The following RAB30 variants were observed in gnomAD, a reference collection of about 807,000 sequenced individuals.
The protein encoded by RAB30 is ras-related protein Rab-30.
Under a neutral mutation model 25.1 loss-of-function variants are expected in RAB30, and 9 were observed. The ratio of observed to expected loss-of-function variants is 0.36; its 90% confidence interval spans 0.22 to 0.63. RAB30 has a LOEUF of 0.63. Among genes scored for constraint, RAB30 ranks in the 20% least tolerant of loss-of-function variants. The pLI, the probability that RAB30 is intolerant of heterozygous loss-of-function variation, is 0.69. For missense variants in RAB30, 140 were observed against 243.5 expected (o/e 0.58, Z 2.83); for synonymous variants, 77 against 86.4 (o/e 0.89, Z 0.60).
intron 1 of RAB30, chr11:83,071,209 C>T (rs1858835494): frequency 2.0e-5 from 3 of 152,182 alleles, no homozygotes; most frequent in Non-Finnish European, 4.4e-5. Flanking sequence ...AACTTAAGCA[C>T]GTTCATCTTA....
intron 1 of RAB30, among the ~76,000 whole-genome samples, chr11:83,027,313 T>C (rs1251253717): frequency 2.0e-5 from 3 of 152,128 alleles, no homozygotes; most frequent in Admixed American, 6.5e-5. Flanking sequence ...CCTGGCAGTA[T>C]CCAGCGTGGA....
intron 1 of RAB30, among the ~76,000 whole-genome samples, chr11:83,019,208 T>C (rs1231745369): frequency 6.6e-6 from 1 of 152,146 alleles, no homozygotes; most frequent in Admixed American, 6.5e-5. Flanking sequence ...GTATTTTTAG[T>C]AGAGATGGGG....
chr11:83,001,427 A>T (rs1857083198), intron 1 of RAB30, among the ~76,000 whole-genome samples: 2 of 151,880 alleles, frequency 1.3e-5, no homozygotes, highest in South Asian at 4.2e-4. Context: ...CAGTCCTTCC[A>T]CTCAGCCTTC....
At chr11:83,040,318 G>A (rs1432841217) in intron 1 of RAB30, among the ~76,000 whole-genome samples, 1 of 152,220 alleles carries the variant, frequency 6.6e-6, no homozygotes, top group Non-Finnish European at 1.5e-5. Flanking sequence ...GCTGGGTGCA[G>A]TGGCTCGGGC....
rs948602801 is a variant in RAB30, at chr11:83,005,946, AT to A, written c.-8-8623del. Reference sequence around the variant, plus strand: ...AGAAAGGAATAAAAATAGCACTTACATTTTTTTTTTTAAAAAACTGATCAAT... The same window carrying A: ...AGAAAGGAATAAAAATAGCACTTACATTTTTTTTTTAAAAAACTGATCAAT... On this transcript the variant is annotated intron_variant, in intron 1 of 4. Transcript: ENST00000527633. 1.2e-3 allele frequency among the ~76,000 whole-genome samples: 174 copies of A among 143,774 alleles called. 2 individuals are homozygous for A. The highest frequency in any genetic ancestry group is 3.5e-3 in the Middle Eastern group (1 of 286). 94.3% of individuals were successfully genotyped at this position (143,774 alleles called of 152,430 possible).
intron 1 of RAB30, among the ~76,000 whole-genome samples, chr11:83,056,496 C>A (rs1192549036): frequency 6.6e-6 from 1 of 152,210 alleles, no homozygotes; most frequent in East Asian, 1.9e-4. Flanking sequence ...ACGCCTTAAT[C>A]ATAAAGATGT....
chr11:82,989,551 C>T (rs1168829716), intron 3 of RAB30, among the ~76,000 whole-genome samples: 1 of 152,250 alleles, frequency 6.6e-6, no homozygotes, highest in Non-Finnish European at 1.5e-5. Context: ...CGGTTCCCCT[C>T]TGCCAGGATG....
intron 1 of RAB30, among the ~76,000 whole-genome samples, chr11:83,021,145 A>G (rs75119684): frequency 0.032 from 4,807 of 152,316 alleles, 100 homozygotes; most frequent in Non-Finnish European, 0.047. Context: ...GTATTGCTCA[A>G]TAAAGCTCCT....
chr11:83,028,167 T>G (rs1857769348), intron 1 of RAB30, among the ~76,000 whole-genome samples: 1 of 152,164 alleles, frequency 6.6e-6, no homozygotes, highest in South Asian at 2.1e-4. Context: ...AAAAATAGGA[T>G]GCTATATAAA....
chr11:82,980,865 A>C lies in RAB30; in HGVS notation c.*1300T>G, dbSNP rs1348915160. ...GGGAGGGAGGGAAGAAGAAAAGGAG[A>C]GACCAGAAAAATAGAGAGGAAAAGA... On this transcript the variant is annotated 3_prime_UTR_variant, in exon 5 of 5. Coordinates refer to ENST00000527633, the MANE Select transcript of RAB30 (RefSeq NM_001286060.2). 6.6e-6 allele frequency: 1 copy of C among 152,074 alleles called. No homozygotes were observed. Among genetic ancestry groups the C allele is most frequent in the African/African-American group, 2.4e-5 (1 of 41,398 alleles). The allele number at this position is 152,074 out of a possible 1,614,324, so 9.4% of individuals were successfully genotyped here.
intron 1 of RAB30, among the ~76,000 whole-genome samples, chr11:83,004,405 G>C (rs1192358182): frequency 2.0e-5 from 3 of 152,060 alleles, no homozygotes; most frequent in African/African-American, 7.2e-5. Context: ...AAATGAACTG[G>C]ACATCCCATC....
chr11:83,012,331 T>A (rs955210817), intron 1 of RAB30, among the ~76,000 whole-genome samples: 1 of 152,166 alleles, frequency 6.6e-6, no homozygotes, highest in African/African-American at 2.4e-5. Flanking sequence ...ACTAATCTAA[T>A]CATGTCATTC....
chr11:83,063,874 A>T (rs192696908), intron 1 of RAB30, among the ~76,000 whole-genome samples: 10 of 152,346 alleles, frequency 6.6e-5, no homozygotes, highest in African/African-American at 2.4e-4. Flanking sequence ...ACAACCATTA[A>T]AACAGGTAAG....
intron 1 of RAB30, among the ~76,000 whole-genome samples, chr11:83,051,505 A>C (rs1462466757): frequency 1.3e-5 from 2 of 152,172 alleles, no homozygotes; most frequent in Non-Finnish European, 2.9e-5. Flanking sequence ...GGAAGAATGA[A>C]GAGCTATCAT....
At chr11:83,060,970 GACA>G (rs918113569) in intron 1 of RAB30, among the ~76,000 whole-genome samples, 4 of 152,140 alleles carry the variant, frequency 2.6e-5, no homozygotes, top group African/African-American at 9.7e-5. Flanking sequence ...CCTGTCCTCG[GACA>G]ACAACTCCAG....
chr11:82,992,627 T>C (rs181786858), intron 3 of RAB30, among the ~76,000 whole-genome samples: 1 of 152,190 alleles, frequency 6.6e-6, no homozygotes, highest in Admixed American at 6.5e-5. Flanking sequence ...GGTAGAACTC[T>C]AAAATGCCAG....
At chr11:83,066,815 G>A (rs958607437) in intron 1 of RAB30, among the ~76,000 whole-genome samples, 4 of 152,208 alleles carry the variant, frequency 2.6e-5, no homozygotes, top group Non-Finnish European at 5.9e-5. Context: ...GCCACCCAAA[G>A]TGTGGGGATT....
At chr11:82,984,483 G>A (rs1002333595) in intron 4 of RAB30, among the ~76,000 whole-genome samples, 2 of 152,150 alleles carry the variant, frequency 1.3e-5, no homozygotes, top group African/African-American at 2.4e-5. Flanking sequence ...ACTGAAGAGG[G>A]TTGCCGGATG....
chr11:83,016,839 C>G (rs1208438248), intron 1 of RAB30, among the ~76,000 whole-genome samples: 2 of 152,236 alleles, frequency 1.3e-5, no homozygotes, highest in Non-Finnish European at 2.9e-5. Context: ...TAAGCAACCT[C>G]TGTTCCTCAC....
Sources: allele counts gnomAD v4.1 joint callset (sites outside exome capture counted in the v4.1 genomes callset), GRCh38; gene constraint gnomAD v4.1.1; transcripts MANE v1.5; gene names NCBI Gene and HGNC (gene_info 2026-07-23, HGNC 2026-07-21).